The following EYS variants were observed in gnomAD, a reference collection of about 807,000 sequenced individuals.
EYS encodes the protein protein eyes shut homolog.
In EYS, 250 loss-of-function variants were observed where a neutral mutation model predicts 282.1. The observed-to-expected ratio is 0.89, with a 90% confidence interval of 0.80 to 0.98. The LOEUF is 0.98. EYS is among the 50% of genes least tolerant of loss of function. The probability of loss-of-function intolerance (pLI) is 0.00; values close to 1 mark genes in which losing one functional copy is unlikely to be tolerated. For synonymous variants in EYS, 1,355 were observed against 1,282.9 expected (o/e 1.06, Z -1.20); for missense variants, 4,016 against 3,709.0 (o/e 1.08, Z -2.15).
intron 30 of EYS, among the ~76,000 whole-genome samples, chr6:64,298,333 A>G (rs988852372): frequency 3.6e-5 from 4 of 109,798 alleles, no homozygotes; most frequent in African/African-American, 1.0e-4. Context: ...AGACTAATGC[A>G]TTTCAAAAAT....
chr6:64,929,323 C>A (rs1010984583), intron 15 of EYS, among the ~76,000 whole-genome samples: 4 of 152,040 alleles, frequency 2.6e-5, no homozygotes, highest in Non-Finnish European at 5.9e-5. Context: ...TACTATGATG[C>A]CTGATAAAAC....
chr6:64,535,593 C>T (rs993178006), intron 26 of EYS, among the ~76,000 whole-genome samples: 12 of 141,320 alleles, frequency 8.5e-5, no homozygotes, highest in Non-Finnish European at 1.7e-4. Context: ...AAAAAAAAAT[C>T]AGCCAGTGTG....
At chr6:64,327,701 G>T (rs896688699) in intron 29 of EYS, among the ~76,000 whole-genome samples, 1 of 152,236 alleles carries the variant, frequency 6.6e-6, no homozygotes, top group Middle Eastern at 3.4e-3. Flanking sequence ...GAAAGAGATT[G>T]CAAGGCATCA....
chr6:65,296,012 T>A lies in EYS; in HGVS notation c.1874A>T (p.His625Leu), dbSNP rs1768653785. Residue 625 changes from histidine to leucine, a missense_variant, in exon 12 of 43, where the codon CAC (histidine) becomes CTC (leucine). Physicochemically the swap from His to Leu is moderately conservative, Grantham distance 99 (BLOSUM62 -3). Transcript: ENST00000503581. Reference sequence around the variant, plus strand: ...TTGCAGACCGCTACAGTTACAATTGTGCGAAAGGGCCAGGCAGAGGCCATG... The same window carrying A: ...TTGCAGACCGCTACAGTTACAATTGAGCGAAAGGGCCAGGCAGAGGCCATG... ...SVHGLCLALSHNCNCSGLQRY... is the reference protein window; with the variant it reads ...SVHGLCLALSLNCNCSGLQRY... 1.3e-6 allele frequency: 2 copies of A among 1,551,078 alleles called. No homozygotes were observed. Among genetic ancestry groups the A allele is most frequent in the Non-Finnish European group, 1.7e-6 (2 of 1,146,548 alleles).
intron 29 of EYS, among the ~76,000 whole-genome samples, chr6:64,347,845 C>T (rs75515100): frequency 9.2e-5 from 14 of 151,374 alleles, no homozygotes; most frequent in African/African-American, 3.4e-4. Context: ...TAGCACTTCT[C>T]CTTCACTCTC....
At chr6:64,283,541 A>G (rs1768386488) in intron 30 of EYS, among the ~76,000 whole-genome samples, 1 of 152,160 alleles carries the variant, frequency 6.6e-6, no homozygotes, top group South Asian at 2.1e-4. Flanking sequence ...TAAATGATAA[A>G]CATGCCTAGT....
chr6:65,277,466 GC>G (rs1768080506), intron 12 of EYS, among the ~76,000 whole-genome samples: 1 of 146,500 alleles, frequency 6.8e-6, no homozygotes, highest in African/African-American at 2.5e-5. Flanking sequence ...AAAAAAAAGC[GC>G]CCCGGAAAAC....
intron 26 of EYS, among the ~76,000 whole-genome samples, chr6:64,470,536 A>G (rs1015106880): frequency 6.6e-6 from 1 of 151,920 alleles, no homozygotes; most frequent in African/African-American, 2.4e-5. Flanking sequence ...CCTGGTTTAC[A>G]CTGGAAGAAG....
At chr6:64,420,528 A>G (rs1774197273) in intron 28 of EYS, among the ~76,000 whole-genome samples, 3 of 150,888 alleles carry the variant, frequency 2.0e-5, no homozygotes, top group East Asian at 2.0e-4. Flanking sequence ...TCAACACCAT[A>G]TGGAAACTGC....
chr6:64,065,215 G>A (rs1771321942), intron 33 of EYS, among the ~76,000 whole-genome samples: 3 of 152,124 alleles, frequency 2.0e-5, no homozygotes, highest in Admixed American at 2.0e-4. Flanking sequence ...GTGATTTTCA[G>A]ACTGATGCAG....
At chr6:63,862,131 T>G (rs1581906177) in intron 36 of EYS, among the ~76,000 whole-genome samples, 1 of 152,138 alleles carries the variant, frequency 6.6e-6, no homozygotes, top group East Asian at 1.9e-4. Context: ...CCTCTGAGAG[T>G]GATTCTTGTC....
At chr6:64,368,009 G>T (rs141778160) in intron 29 of EYS, among the ~76,000 whole-genome samples, 1 of 152,036 alleles carries the variant, frequency 6.6e-6, no homozygotes, top group Non-Finnish European at 1.5e-5. Context: ...ATTGTGTGTG[G>T]TGGGGGTTTG....
intron 33 of EYS, among the ~76,000 whole-genome samples, chr6:63,999,805 CAG>C (rs1230544985): frequency 1.3e-5 from 2 of 152,070 alleles, no homozygotes; most frequent in Non-Finnish European, 2.9e-5. Flanking sequence ...GAAAATTTAT[CAG>C]AGTTTATAGA....
At chr6:64,712,243 T>G (rs746552120) in intron 22 of EYS, among the ~76,000 whole-genome samples, 1 of 152,224 alleles carries the variant, frequency 6.6e-6, no homozygotes, top group Non-Finnish European at 1.5e-5. Context: ...AGAAATATCC[T>G]TAACATTCTC....
intron 2 of EYS, among the ~76,000 whole-genome samples, chr6:65,499,463 C>T (rs750676760): frequency 2.0e-5 from 3 of 151,960 alleles, no homozygotes; most frequent in Non-Finnish European, 4.4e-5. Context: ...GTTGATTCTA[C>T]ATACCTGATA....
Position 64,342,073 on chromosome 6 carries a change from G to C in EYS, c.6079-34991C>G, listed in dbSNP as rs891605466. 2.0e-5 allele frequency among the ~76,000 whole-genome samples: 3 copies of C among 151,458 alleles called. No individual in the cohort carries two copies. In the Admixed American group the frequency reaches 2.0e-4, roughly 10 times the overall value. On this transcript the variant is annotated intron_variant, in intron 29 of 42. Coordinates refer to ENST00000503581, the MANE Select transcript of EYS (RefSeq NM_001142800.2). Reference sequence around the variant, plus strand: ...AAAACAGATCTTTAGATATGGATTTGCATTTAAAACCATGTAAAAATATTG... The same window carrying C: ...AAAACAGATCTTTAGATATGGATTTCCATTTAAAACCATGTAAAAATATTG...
chr6:65,491,270 T>TACACACACACAC (rs57650145), intron 4 of EYS: 12 of 170,160 alleles, frequency 7.1e-5, no homozygotes, highest in African/African-American at 1.8e-4. Context: ...ATCAGTTATA[T>TACACACACACAC]ACACACACAC....
chr6:64,739,103 C>A (rs367999389), intron 22 of EYS, among the ~76,000 whole-genome samples: 1 of 152,094 alleles, frequency 6.6e-6, no homozygotes, highest in Non-Finnish European at 1.5e-5. Flanking sequence ...CTTTTTTTCA[C>A]TCTACTGAGC....
chr6:64,684,484 G>A (rs765724596), intron 22 of EYS, among the ~76,000 whole-genome samples: 6 of 151,890 alleles, frequency 4.0e-5, no homozygotes, highest in Non-Finnish European at 7.4e-5. Flanking sequence ...TAAGAATAAA[G>A]AGCACCAGAT....
Sources: allele counts gnomAD v4.1 joint callset (sites outside exome capture counted in the v4.1 genomes callset), GRCh38; gene constraint gnomAD v4.1.1; transcripts MANE v1.5; gene names NCBI Gene and HGNC (gene_info 2026-07-23, HGNC 2026-07-21).